The following PAPPA variants were observed in gnomAD, a reference collection of about 807,000 sequenced individuals.
PAPPA encodes the protein pappalysin-1.
A neutral mutation model predicts 164.0 loss-of-function variants in PAPPA; 60 were observed. That is an observed-to-expected ratio of 0.37 (90% confidence interval 0.30 to 0.45). The LOEUF is 0.45. Ranked by LOEUF, PAPPA falls within the 20% of genes least tolerant of loss-of-function variation. The pLI, the probability that PAPPA is intolerant of heterozygous loss-of-function variation, is 1.00. For missense variants in PAPPA, 1,782 were observed against 2,087.3 expected, an observed-to-expected ratio of 0.85 and a Z score of 2.85; for synonymous variants, 875 against 814.1, an observed-to-expected ratio of 1.07 and a Z score of -1.27.
At chr9:116,311,535 T>C (rs1370482315) in intron 10 of PAPPA, among the ~76,000 whole-genome samples, 2 of 152,146 alleles carry the variant, frequency 1.3e-5, no homozygotes, top group Non-Finnish European at 2.9e-5. Flanking sequence ...TAAAAAACAT[T>C]GTAGTGTAGC....
chr9:116,220,382 G>T (rs1844429314), intron 5 of PAPPA, among the ~76,000 whole-genome samples: 1 of 151,674 alleles, frequency 6.6e-6, no homozygotes, highest in Admixed American at 6.6e-5. Flanking sequence ...TTAGAAACTT[G>T]GAAACCTCTT....
At chr9:116,211,953 G>A (rs1423804728) in intron 4 of PAPPA, 21 bp downstream of exon 4, 11 of 1,605,596 alleles carry the variant, frequency 6.9e-6, no homozygotes, top group Admixed American at 1.7e-5. Context: ...ACACTCTGTA[G>A]GGTGAACAGG....
chr9:116,361,751 A>G (rs1846429565), intron 17 of PAPPA, among the ~76,000 whole-genome samples: 2 of 152,170 alleles, frequency 1.3e-5, no homozygotes, highest in Admixed American at 1.3e-4. Context: ...CATTCCCACT[A>G]GATCGCAGAG....
chr9:116,256,187 GTCAGTAAACAACC>G (rs1228425507), intron 7 of PAPPA, among the ~76,000 whole-genome samples: 1 of 151,796 alleles, frequency 6.6e-6, no homozygotes, highest in Non-Finnish European at 1.5e-5. Context: ...CAAAATAAGG[GTCAGTAAACAACC>G]TAAGGGCTTT....
At chr9:116,382,198 A>G (rs1300164730) in intron 20 of PAPPA, among the ~76,000 whole-genome samples, 197 bp from the exon 21 acceptor site, 1 of 152,188 alleles carries the variant, frequency 6.6e-6, no homozygotes, top group East Asian at 1.9e-4. Flanking sequence ...TATGAATGGT[A>G]GAAAGAAAGA....
intron 1 of PAPPA, among the ~76,000 whole-genome samples, chr9:116,176,736 C>A (rs1843840329): frequency 6.6e-6 from 1 of 152,104 alleles, no homozygotes; most frequent in African/African-American, 2.4e-5. Context: ...TAAGTGCCAC[C>A]ATTATGCTAG....
At chr9:116,235,015 C>A in intron 6 of PAPPA, 124 bp from the exon 7 acceptor site, 3 of 1,031,926 alleles carry the variant, frequency 2.9e-6, no homozygotes, top group Non-Finnish European at 2.9e-6. Context: ...CAAGAACCTT[C>A]CTCTCCTTTT....
In PAPPA at chr9:116,395,942, T is replaced by A. The variant is rs183845509; in HGVS notation, c.4777-567T>A. ...ACATCCTTTCTTTCACTTGATCACT[T>A]ATACATCAGATATTCCATTACACAG... On this transcript the variant is annotated intron_variant, in intron 21 of 21. Coordinates refer to ENST00000328252, the MANE Select transcript of PAPPA (RefSeq NM_002581.5). Among the ~76,000 whole-genome samples, 217 of 152,318 alleles carry A rather than the reference T, an allele frequency of 1.4e-3. 2 individuals carry two copies. The highest frequency in any genetic ancestry group is 0.011 in the South Asian group (53 of 4,814).
intron 20 of PAPPA, among the ~76,000 whole-genome samples, chr9:116,380,394 A>T (rs1846715535): frequency 6.6e-6 from 1 of 152,208 alleles, no homozygotes. Context: ...ATGGGACTGG[A>T]GAATTTTTTC....
intron 15 of PAPPA, among the ~76,000 whole-genome samples, chr9:116,352,413 T>C (rs1846294696): frequency 6.6e-6 from 1 of 152,098 alleles, no homozygotes; most frequent in Non-Finnish European, 1.5e-5. Context: ...GATTCAAGGA[T>C]TGTGAGTGTG....
At chr9:116,212,315 T>C (rs762350777) in intron 4 of PAPPA, among the ~76,000 whole-genome samples, 3 of 152,052 alleles carry the variant, frequency 2.0e-5, no homozygotes, top group Admixed American at 2.0e-4. Flanking sequence ...AGATTGAGTA[T>C]GATTTTTTTT....
intron 1 of PAPPA, among the ~76,000 whole-genome samples, chr9:116,177,956 G>A (rs1587939738): frequency 6.6e-6 from 1 of 151,564 alleles, no homozygotes; most frequent in African/African-American, 2.4e-5. Context: ...TGATTTCATC[G>A]ACAATGTGTG....
At chr9:116,247,442 C>A (rs1218316760) in intron 7 of PAPPA, among the ~76,000 whole-genome samples, 5 of 152,154 alleles carry the variant, frequency 3.3e-5, no homozygotes, top group African/African-American at 7.2e-5. Flanking sequence ...ACTAGCGTTA[C>A]TGAGGAAGCT....
intron 1 of PAPPA, among the ~76,000 whole-genome samples, chr9:116,159,200 T>C (rs1470720985): frequency 1.3e-5 from 2 of 152,228 alleles, no homozygotes; most frequent in Non-Finnish European, 2.9e-5. Context: ...ATCTCTTCCT[T>C]GGTTTACTTA....
At chr9:116,263,387 A>G (rs1845026589) in intron 7 of PAPPA, among the ~76,000 whole-genome samples, 2 of 152,162 alleles carry the variant, frequency 1.3e-5, no homozygotes, top group Admixed American at 1.3e-4. Context: ...GTAGTAGAAA[A>G]GATATTTTCA....
At chr9:116,338,318 G>T (rs77161693) in intron 13 of PAPPA, among the ~76,000 whole-genome samples, 2,798 of 152,152 alleles carry the variant, frequency 0.018, 85 homozygotes, top group African/African-American at 0.064. Flanking sequence ...TTCAGAGAGA[G>T]ACAGTTCTGA....
chr9:116,223,624 C>T (rs1286020363), intron 5 of PAPPA, among the ~76,000 whole-genome samples: 1 of 152,148 alleles, frequency 6.6e-6, no homozygotes, highest in Non-Finnish European at 1.5e-5. Flanking sequence ...TTAGGGTTAG[C>T]AGCTACGTTG....
intron 9 of PAPPA, among the ~76,000 whole-genome samples, chr9:116,291,550 C>T (rs1845436218): frequency 6.6e-6 from 1 of 152,120 alleles, no homozygotes. Flanking sequence ...TTTGTTAATT[C>T]ATCATTTACT....
chr9:116,337,062 A>G (rs2118960802), intron 13 of PAPPA, among the ~76,000 whole-genome samples: 1 of 152,338 alleles, frequency 6.6e-6, no homozygotes, highest in African/African-American at 2.4e-5. Flanking sequence ...CCATTCAGGC[A>G]GTAAGAGGCA....
Sources: gnomAD v4.1 joint callset for allele counts (sites outside exome capture counted in the v4.1 genomes callset) on GRCh38, gnomAD v4.1.1 for gene constraint, MANE v1.5 for transcripts, NCBI Gene and HGNC (gene_info 2026-07-23, HGNC 2026-07-21) for gene names.